The following ZNF277 variants were observed in gnomAD, a reference collection of about 807,000 sequenced individuals.
The protein encoded by ZNF277 is nuclear receptor-interacting factor 4.
ZNF277 carries 55 observed loss-of-function variants against 60.7 expected under a neutral mutation model. The observed-to-expected ratio is 0.91, with a 90% CI of 0.73 to 1.13. ZNF277 has a LOEUF of 1.13. Among genes scored for constraint, ZNF277 ranks in the 50% most tolerant of loss-of-function variants. ZNF277 has a pLI of 0.00. For missense variants in ZNF277, 510 were observed against 523.0 expected (o/e 0.98, Z 0.24); for synonymous variants, 178 against 179.3 (o/e 0.99, Z 0.06).
In ZNF277 at chr7:112,210,888, G is replaced by C. The variant is rs146387676; in HGVS notation, c.91+4081G>C. On this transcript the variant is annotated intron_variant, in intron 1 of 11. Coordinates refer to ENST00000361822, the MANE Select transcript of ZNF277 (RefSeq NM_021994.3). ...AAATAGATTCAGCATCCCTCACGTG[G>C]TGTCATTGGCATTTGTTCTTTTGCT... 5.3e-5 allele frequency among the ~76,000 whole-genome samples: 8 copies of C among 152,292 alleles called. No individual in the cohort carries two copies. The South Asian group carries it at 6.2e-4, about 12-fold the overall frequency.
intron 2 of ZNF277, among the ~76,000 whole-genome samples, chr7:112,291,877 T>G (rs1792213984): frequency 6.6e-6 from 1 of 152,228 alleles, no homozygotes; most frequent in Non-Finnish European, 1.5e-5. Context: ...ATGCCTAATT[T>G]TATATGTTTA....
chr7:112,244,842 A>T (rs746487675), intron 1 of ZNF277, among the ~76,000 whole-genome samples: 3 of 152,118 alleles, frequency 2.0e-5, no homozygotes, highest in Non-Finnish European at 4.4e-5. Context: ...AATTTTTTAT[A>T]ATTTAGTAGT....
intron 1 of ZNF277, among the ~76,000 whole-genome samples, chr7:112,271,562 A>C (rs1378396460): frequency 6.6e-6 from 1 of 152,200 alleles, no homozygotes; most frequent in Non-Finnish European, 1.5e-5. Flanking sequence ...TTATAACTAC[A>C]TTTTTTAAAA....
At chr7:112,252,341 A>G (rs931147150) in intron 1 of ZNF277, among the ~76,000 whole-genome samples, 7 of 152,198 alleles carry the variant, frequency 4.6e-5, no homozygotes, top group Non-Finnish European at 8.8e-5. Context: ...CTTTGTCACC[A>G]TAGAGCCCCG....
intron 4 of ZNF277, among the ~76,000 whole-genome samples, chr7:112,303,974 A>G (rs1434649640): frequency 6.6e-6 from 1 of 152,104 alleles, no homozygotes; most frequent in African/African-American, 2.4e-5. Flanking sequence ...AAGAAGGTGA[A>G]ATACTAGTCA....
intron 2 of ZNF277, 25 bp from the exon 3 acceptor site, chr7:112,295,844 G>A (rs201911159): frequency 3.9e-5 from 60 of 1,553,038 alleles, no homozygotes; most frequent in African/African-American, 2.3e-4. Flanking sequence ...TCTTCTCATC[G>A]TTCCTTATTT....
chr7:112,280,651 A>G (rs914385007), intron 1 of ZNF277, among the ~76,000 whole-genome samples: 7 of 151,750 alleles, frequency 4.6e-5, no homozygotes, highest in Non-Finnish European at 8.8e-5. Flanking sequence ...TTTGAGACCA[A>G]GTCTCACTCT....
intron 1 of ZNF277, among the ~76,000 whole-genome samples, chr7:112,229,888 C>T (rs1822276168): frequency 6.6e-6 from 1 of 152,150 alleles, no homozygotes; most frequent in South Asian, 2.1e-4. Context: ...TGCCAGGTGG[C>T]CAAGGATGGG....
At chr7:112,310,203 G>C (rs1371929897) in intron 4 of ZNF277, among the ~76,000 whole-genome samples, 2 of 151,988 alleles carry the variant, frequency 1.3e-5, no homozygotes. Context: ...CACATTGTTG[G>C]TCTTTTCTGG....
At chr7:112,242,557 CAAAA>C (rs34058145) in intron 1 of ZNF277, among the ~76,000 whole-genome samples, 1 of 99,488 alleles carries the variant, frequency 1.0e-5, no homozygotes, top group Non-Finnish European at 2.1e-5. Context: ...TAATAGCTAC[CAAAA>C]AAAAAAAAAA....
chr7:112,304,534 A>T (rs1563222075), intron 4 of ZNF277, among the ~76,000 whole-genome samples: 1 of 152,152 alleles, frequency 6.6e-6, no homozygotes, highest in Non-Finnish European at 1.5e-5. Context: ...CAAATAATTT[A>T]TTCATGTTTC....
intron 1 of ZNF277, among the ~76,000 whole-genome samples, chr7:112,241,413 A>G (rs1355368832): frequency 1.3e-5 from 2 of 152,188 alleles, no homozygotes; most frequent in South Asian, 2.1e-4. Context: ...CTGTGGGAAC[A>G]TAAATTAGTG....
At chr7:112,224,062 T>TAG (rs1822105308) in intron 1 of ZNF277, among the ~76,000 whole-genome samples, 1 of 152,162 alleles carries the variant, frequency 6.6e-6, no homozygotes, top group African/African-American at 2.4e-5. Flanking sequence ...GAGTATGCCA[T>TAG]AGAGATTAGA....
chr7:112,317,448 G>C (rs977706175), intron 4 of ZNF277, among the ~76,000 whole-genome samples: 1 of 152,104 alleles, frequency 6.6e-6, no homozygotes, highest in African/African-American at 2.4e-5. Flanking sequence ...ATGGTTGCAC[G>C]ATAGAAATAG....
At chr7:112,287,278 G>C (rs1792091028) in intron 2 of ZNF277, 4 of 571,732 alleles carry the variant, frequency 7.0e-6, no homozygotes, top group Non-Finnish European at 1.2e-5. Flanking sequence ...GGGAGGTTGA[G>C]GCAGGAGGGC....
At chr7:112,283,599 A>T (rs1417329443) in intron 1 of ZNF277, among the ~76,000 whole-genome samples, 1 of 152,166 alleles carries the variant, frequency 6.6e-6, no homozygotes, top group Non-Finnish European at 1.5e-5. Flanking sequence ...TTGCATATTC[A>T]TGATTTTGTT....
At chr7:112,316,395 T>C (rs1318126793) in intron 4 of ZNF277, among the ~76,000 whole-genome samples, 1 of 152,136 alleles carries the variant, frequency 6.6e-6, no homozygotes, top group East Asian at 1.9e-4. Flanking sequence ...CTTTGCCCAC[T>C]TTTTCATATG....
At position 112,339,902 on chromosome 7, in the gene ZNF277, G is replaced by A; in HGVS notation, c.1009+17G>A. 6.2e-7 allele frequency: 1 copy of A among 1,606,736 alleles called. No individual in the cohort carries two copies. Among genetic ancestry groups the A allele is most frequent in the South Asian group, 1.1e-5 (1 of 90,992 alleles). On this transcript the variant is annotated intron_variant, in intron 10 of 11. Coordinates refer to ENST00000361822, the MANE Select transcript of ZNF277 (RefSeq NM_021994.3). ...CAGAACTTGGTAAGTTTGATTCAGA[G>A]GTTTTTTTCTGTGATGCTTCATTTT...
intron 2 of ZNF277, among the ~76,000 whole-genome samples, chr7:112,295,019 G>A (rs1201615489): frequency 6.6e-6 from 1 of 151,842 alleles, no homozygotes; most frequent in African/African-American, 2.4e-5. Flanking sequence ...TGGTTCTTTG[G>A]TGTAAGTTAC....
Sources: gnomAD v4.1 joint callset for allele counts (sites outside exome capture counted in the v4.1 genomes callset) on GRCh38, gnomAD v4.1.1 for gene constraint, MANE v1.5 for transcripts, NCBI Gene and HGNC (gene_info 2026-07-23, HGNC 2026-07-21) for gene names.